The following FBXL5 variants were observed in gnomAD, a reference collection of about 807,000 sequenced individuals.
FBXL5 encodes F-box and leucine rich repeat protein 5.
In FBXL5, 26 loss-of-function variants were observed where a neutral mutation model predicts 78.3. That is an observed-to-expected ratio of 0.33 (90% CI 0.24 to 0.46). The LOEUF is 0.46. Ranked by LOEUF, FBXL5 falls within the 20% of genes least tolerant of loss-of-function variation. The pLI is 1.00. For missense variants in FBXL5, 710 were observed against 829.2 expected, an observed-to-expected ratio of 0.86 and a Z score of 1.77; for synonymous variants, 295 against 282.5, an observed-to-expected ratio of 1.04 and a Z score of -0.45.
In FBXL5 at chr4:15,640,860, A is replaced by G. The variant is rs368298100; in HGVS notation, c.324T>C (p.Tyr108=). ...CCAATCTCTCTTTCAGTTGTTTTGC[A>G]TAATTTAACTGTTCATATTCATTCT... The part of the protein sequence containing the change: ...NVKNEYEQLN[Y]AKQLKERLEA... Residue 108 remains tyrosine (Y), a synonymous_variant, in exon 3 of 11, where the codon TAT becomes TAC. Transcript: ENST00000341285. 78 of 1,546,618 alleles carry G rather than the reference A, an allele frequency of 5.0e-5. No homozygotes were observed. In the African/African-American group the frequency reaches 9.5e-4, roughly 19 times the overall value.
intron 10 of FBXL5, among the ~76,000 whole-genome samples, chr4:15,611,433 C>T (rs569142392): frequency 6.6e-6 from 1 of 151,960 alleles, no homozygotes; most frequent in Non-Finnish European, 1.5e-5. Flanking sequence ...TATAAAAAGA[C>T]AGGTACATAG....
chr4:15,653,009 ATACT>A (rs1253691679), intron 1 of FBXL5, among the ~76,000 whole-genome samples: 1 of 152,206 alleles, frequency 6.6e-6, no homozygotes, highest in Non-Finnish European at 1.5e-5. Flanking sequence ...CCATTACAAA[ATACT>A]TATTTTCCAC....
chr4:15,629,508 T>C (rs1474708455), intron 6 of FBXL5, among the ~76,000 whole-genome samples: 1 of 152,144 alleles, frequency 6.6e-6, no homozygotes, highest in Non-Finnish European at 1.5e-5. Flanking sequence ...CTTGTCACCA[T>C]CTAATATGGA....
At chr4:15,661,346 G>A (rs1050942769), upstream of FBXL5, among the ~76,000 whole-genome samples, 5 of 152,100 alleles carry the variant, frequency 3.3e-5, no homozygotes, top group African/African-American at 1.2e-4. Context: ...ATCTGTAAAG[G>A]GATAGTGAGT....
intron 10 of FBXL5, among the ~76,000 whole-genome samples, chr4:15,609,682 A>T (rs557975418): frequency 2.6e-5 from 4 of 152,210 alleles, no homozygotes; most frequent in Non-Finnish European, 5.9e-5. Flanking sequence ...TGTTAAAGAA[A>T]TTTTTTAATG....
At chr4:15,646,902 T>C (rs1715414940) in intron 1 of FBXL5, among the ~76,000 whole-genome samples, 1 of 151,934 alleles carries the variant, frequency 6.6e-6, no homozygotes, top group Admixed American at 6.6e-5. Context: ...TCCGTGGGGA[T>C]GCAGAAACCA....
In FBXL5 at chr4:15,605,631, G is replaced by A. The variant is rs1721833971; in HGVS notation, c.*92C>T. 12 of 1,038,810 alleles carry A rather than the reference G, an allele frequency of 1.2e-5. No homozygotes were observed. The highest frequency in any genetic ancestry group is 1.7e-5 in the Non-Finnish European group (12 of 687,168). 64.3% of individuals were successfully genotyped at this position (1,038,810 alleles called of 1,614,324 possible). On this transcript the variant is annotated 3_prime_UTR_variant, in exon 11 of 11. Transcript: ENST00000341285. ...GCCAAAACAAGTCACGCTCAAAAAG[G>A]GATGGTTAACACAAGAAATGTGCTA...
intron 1 of FBXL5, among the ~76,000 whole-genome samples, chr4:15,677,573 A>G (rs2148828762): frequency 6.6e-6 from 1 of 152,312 alleles, no homozygotes; most frequent in African/African-American, 2.4e-5. Context: ...ACTAGTGATT[A>G]ATGATTAATG....
At chr4:15,673,274 T>C (rs1378091536) in intron 1 of FBXL5, among the ~76,000 whole-genome samples, 4 of 151,888 alleles carry the variant, frequency 2.6e-5, no homozygotes. Flanking sequence ...ATCCTGTCTC[T>C]ACAAAAAATA....
chr4:15,680,647 G>A (rs954580622), intron 1 of FBXL5, among the ~76,000 whole-genome samples: 3 of 152,054 alleles, frequency 2.0e-5, no homozygotes, highest in African/African-American at 7.2e-5. Context: ...CTGCACTCCA[G>A]CCTGGGCGAG....
At chr4:15,616,167 A>C (rs1287676154) in intron 9 of FBXL5, among the ~76,000 whole-genome samples, 6 of 152,048 alleles carry the variant, frequency 3.9e-5, no homozygotes, top group Non-Finnish European at 1.5e-5. Flanking sequence ...ACATCTGAAC[A>C]TCAGGAGGGA....
chr4:15,655,155 C>T, intron 1 of FBXL5, 49 bp downstream of exon 1: 1 of 1,327,948 alleles, frequency 7.5e-7, no homozygotes, highest in Non-Finnish European at 9.9e-7. Context: ...CAGCCCGCTC[C>T]CCATCGCCGC....
intron 1 of FBXL5, among the ~76,000 whole-genome samples, chr4:15,681,010 A>C (rs925010709): frequency 4.0e-5 from 6 of 150,942 alleles, no homozygotes; most frequent in Admixed American, 2.0e-4. Context: ...GGTTTGTGAC[A>C]AAGATGCACT....
intron 1 of FBXL5, among the ~76,000 whole-genome samples, chr4:15,648,730 T>C (rs1715625188): frequency 6.6e-6 from 1 of 152,016 alleles, no homozygotes; most frequent in Non-Finnish European, 1.5e-5. Context: ...AATGGGGAGA[T>C]GCTGAAAAAA....
At chr4:15,665,111 G>A (rs1267247738) in intron 1 of FBXL5, among the ~76,000 whole-genome samples, 3 of 152,078 alleles carry the variant, frequency 2.0e-5, no homozygotes, top group East Asian at 1.9e-4. Flanking sequence ...ACTGAGCCAC[G>A]TGTCTCTCCC....
At chr4:15,653,548 T>C (rs1716401780) in intron 1 of FBXL5, among the ~76,000 whole-genome samples, 1 of 152,218 alleles carries the variant, frequency 6.6e-6, no homozygotes, top group South Asian at 2.1e-4. Flanking sequence ...TTCCATATAA[T>C]TTCAGGTGAT....
At chr4:15,632,470 T>C (rs1713777950) in intron 5 of FBXL5, among the ~76,000 whole-genome samples, 2 of 152,228 alleles carry the variant, frequency 1.3e-5, no homozygotes, top group African/African-American at 4.8e-5. Flanking sequence ...GGTAGCTTGA[T>C]GGCAATGGCA....
chr4:15,627,827 C>G, intron 7 of FBXL5, 58 bp downstream of exon 7: 1 of 1,549,784 alleles, frequency 6.5e-7, no homozygotes, highest in Admixed American at 2.0e-5. Flanking sequence ...AATGAGCAAA[C>G]CAAACTCTTA....
At chr4:15,654,845 C>G (rs1716645262) in intron 1 of FBXL5, among the ~76,000 whole-genome samples, 1 of 152,098 alleles carries the variant, frequency 6.6e-6, no homozygotes, top group South Asian at 2.1e-4. Flanking sequence ...CCCAGGGCTT[C>G]GAGGAGGTAG....
Sources: gnomAD v4.1 joint callset for allele counts (sites outside exome capture counted in the v4.1 genomes callset) on GRCh38, gnomAD v4.1.1 for gene constraint, MANE v1.5 for transcripts, NCBI Gene and HGNC (gene_info 2026-07-23, HGNC 2026-07-21) for gene names.